BMPR2: variants seen among roughly 807,000 people sequenced by gnomAD.
BMPR2 encodes the protein bone morphogenetic protein receptor type 2.
BMPR2 carries 29 observed loss-of-function variants against 100.8 expected under a neutral mutation model. The observed-to-expected ratio is 0.29, with a 90% CI of 0.21 to 0.39. The LOEUF (loss-of-function observed/expected upper bound fraction) is 0.39, where lower values mean the gene tolerates loss of function less well. BMPR2 is among the 10% of genes least tolerant of loss of function. The pLI, the probability that BMPR2 is intolerant of heterozygous loss-of-function variation, is 1.00. For synonymous variants in BMPR2, 382 were observed against 442.3 expected (o/e 0.86, Z 1.71); for missense variants, 1,011 against 1,274.5 (o/e 0.79, Z 3.15).
Position 202,479,994 on chromosome 2 carries a change from A to G in BMPR2, c.418+12305A>G, listed in dbSNP as rs558173066. Among the ~76,000 whole-genome samples, 14 of 152,258 alleles carry G rather than the reference A, an allele frequency of 9.2e-5. No individual in the cohort carries two copies. In the South Asian group the frequency reaches 1.9e-3, roughly 20 times the overall value. ...GTTGAGTTGTAAAAGTTCTTTTTAC[A>G]TAGTAGATACAAGTCTCATTCTTTG... On this transcript the variant is annotated intron_variant, in intron 3 of 12. Coordinates refer to ENST00000374580, the MANE Select transcript of BMPR2 (RefSeq NM_001204.7).
chr2:202,556,163 G>A lies in BMPR2; in HGVS notation c.2498G>A (p.Gly833Asp), dbSNP rs1688567382. The A allele has an allele frequency of 1.9e-6, 3 of 1,611,836 alleles. No homozygotes were observed. The highest frequency in any genetic ancestry group is 8.5e-7 in the Non-Finnish European group (1 of 1,178,208). ...TATGCCAATGGGACAGTACTATCTG[G>A]CCAAACAACCAACATAGTGACACAT... is the stretch of plus-strand genomic sequence containing the variant. ...TQYANGTVLS[G>D]QTTNIVTHRA... Residue 833 changes from glycine (G) to aspartate (D), a missense_variant, in exon 12 of 13, where the codon GGC becomes GAC. Physicochemically the swap from Gly to Asp is moderately conservative, Grantham distance 94. Around this residue, in one of 6 missense-constraint regions of BMPR2, gnomAD observed 508 missense variants for 552.0 expected, o/e 0.92. Coordinates refer to ENST00000374580, the MANE Select transcript of BMPR2 (RefSeq NM_001204.7).
intron 1 of BMPR2, among the ~76,000 whole-genome samples, chr2:202,426,313 G>A (rs761601494): frequency 6.6e-6 from 1 of 152,124 alleles, no homozygotes; most frequent in Non-Finnish European, 1.5e-5. Flanking sequence ...GGGTACGGTG[G>A]CTCACGCCTG....
chr2:202,529,923 A>T (rs1211069014), intron 7 of BMPR2, among the ~76,000 whole-genome samples: 2 of 151,904 alleles, frequency 1.3e-5, no homozygotes, highest in African/African-American at 4.8e-5. Flanking sequence ...GTGCTATAGA[A>T]TTTTTTTTCA....
At chr2:202,402,891 C>T (rs1373765452) in intron 1 of BMPR2, among the ~76,000 whole-genome samples, 1 of 151,064 alleles carries the variant, frequency 6.6e-6, no homozygotes, top group Non-Finnish European at 1.5e-5. Flanking sequence ...TGCAATGGCG[C>T]GATCTCAGCT....
At chr2:202,490,708 A>G (rs1391069069) in intron 3 of BMPR2, among the ~76,000 whole-genome samples, 2 of 152,212 alleles carry the variant, frequency 1.3e-5, no homozygotes, top group African/African-American at 2.4e-5. Context: ...AGACAGAAAT[A>G]TGTACAGGGA....
chr2:202,535,926 C>G (rs1688147619), intron 9 of BMPR2, among the ~76,000 whole-genome samples: 1 of 152,200 alleles, frequency 6.6e-6, no homozygotes, highest in African/African-American at 2.4e-5. Context: ...CCACCAAAAC[C>G]AGTCAGGCGT....
intron 1 of BMPR2, among the ~76,000 whole-genome samples, chr2:202,378,018 C>T (rs1355106038): frequency 6.6e-6 from 1 of 152,194 alleles, no homozygotes; most frequent in South Asian, 2.1e-4. Context: ...TTAGATCACT[C>T]TGGGAATCCA....
At chr2:202,482,783 C>T (rs1692685901) in intron 3 of BMPR2, among the ~76,000 whole-genome samples, 1 of 152,148 alleles carries the variant, frequency 6.6e-6, no homozygotes, top group Non-Finnish European at 1.5e-5. Context: ...TTGTGATTCA[C>T]CTGCCTCGGC....
At chr2:202,524,770 C>T (rs574247367) in intron 7 of BMPR2, among the ~76,000 whole-genome samples, 5 of 152,180 alleles carry the variant, frequency 3.3e-5, no homozygotes, top group East Asian at 1.9e-4. Flanking sequence ...CGGTGGCTCA[C>T]GCCTGTAATC....
intron 3 of BMPR2, among the ~76,000 whole-genome samples, chr2:202,500,905 C>A (rs1444952658): frequency 6.6e-6 from 1 of 152,196 alleles, no homozygotes; most frequent in Non-Finnish European, 1.5e-5. Context: ...ATCCCACAGA[C>A]CACACGTCCC....
intron 3 of BMPR2, among the ~76,000 whole-genome samples, chr2:202,473,953 A>G (rs1429545677): frequency 2.0e-5 from 3 of 149,604 alleles, no homozygotes; most frequent in Non-Finnish European, 4.4e-5. Flanking sequence ...AAAAATACAA[A>G]AATTAGCTGG....
At chr2:202,518,401 G>C (rs1428489212) in intron 5 of BMPR2, among the ~76,000 whole-genome samples, 1 of 152,060 alleles carries the variant, frequency 6.6e-6, no homozygotes, top group Non-Finnish European at 1.5e-5. Flanking sequence ...GCCTCCCAAA[G>C]TGCTGAGATT....
intron 1 of BMPR2, among the ~76,000 whole-genome samples, chr2:202,404,104 T>C (rs1265053090): frequency 1.3e-5 from 2 of 151,974 alleles, no homozygotes; most frequent in East Asian, 1.9e-4. Context: ...GTAAGTCTTA[T>C]AATTACTGTG....
At chr2:202,539,281 T>G (rs1188565430) in intron 9 of BMPR2, among the ~76,000 whole-genome samples, 2 of 152,100 alleles carry the variant, frequency 1.3e-5, no homozygotes, top group African/African-American at 4.8e-5. Flanking sequence ...GAGGAATGAT[T>G]TTTGAATTTG....
At chr2:202,394,423 G>A (rs944672720) in intron 1 of BMPR2, among the ~76,000 whole-genome samples, 17 of 151,270 alleles carry the variant, frequency 1.1e-4, no homozygotes, top group African/African-American at 4.1e-4. Context: ...AATATACAGA[G>A]AACCATATTA....
chr2:202,546,674 G>T (rs977449244), intron 10 of BMPR2, among the ~76,000 whole-genome samples: 1 of 152,168 alleles, frequency 6.6e-6, no homozygotes, highest in Non-Finnish European at 1.5e-5. Context: ...CGCAATCTCA[G>T]CTCACTGTGG....
intron 1 of BMPR2, among the ~76,000 whole-genome samples, chr2:202,440,255 C>T (rs942949518): frequency 2.0e-5 from 3 of 150,548 alleles, no homozygotes; most frequent in Non-Finnish European, 4.4e-5. Context: ...GACGGGGTGG[C>T]GGCCGGGCAG....
chr2:202,515,082 C>A lies in BMPR2; in HGVS notation c.621+103C>A, dbSNP rs77506341. ...AAGACATTCATTCATTTATTTAACCCTATTTACTAAATTACAATTTTTTGT... is the reference window on the plus strand; with the variant it reads ...AAGACATTCATTCATTTATTTAACCATATTTACTAAATTACAATTTTTTGT... On this transcript the variant is annotated intron_variant, in intron 5 of 12. Coordinates refer to ENST00000374580, the MANE Select transcript of BMPR2 (RefSeq NM_001204.7). 5 of 1,212,280 alleles carry A rather than the reference C, an allele frequency of 4.1e-6. No individual in the cohort carries two copies. In the Admixed American group the frequency reaches 5.4e-5, roughly 13 times the overall value. 75.1% of individuals were successfully genotyped at this position (1,212,280 alleles called of 1,614,324 possible).
chr2:202,421,695 AACTG>A (rs926950147), intron 1 of BMPR2, among the ~76,000 whole-genome samples: 3 of 151,360 alleles, frequency 2.0e-5, no homozygotes, highest in African/African-American at 7.3e-5. Context: ...ACTAGACTTT[AACTG>A]TAGACTAGAA....
Sources: allele counts gnomAD v4.1 joint callset (sites outside exome capture counted in the v4.1 genomes callset), GRCh38; gene constraint gnomAD v4.1.1; regional missense constraint gnomAD v4.1.1; transcripts MANE v1.5; gene names NCBI Gene and HGNC (gene_info 2026-07-23, HGNC 2026-07-21).